PDE7B: variants seen among roughly 807,000 people sequenced by gnomAD.
PDE7B encodes phosphodiesterase 7B.
PDE7B carries 29 observed loss-of-function variants against 56.2 expected under a neutral mutation model. That is an observed-to-expected ratio of 0.52 (90% confidence interval 0.38 to 0.70). PDE7B has a LOEUF of 0.70. Among genes scored for constraint, PDE7B ranks in the 30% least tolerant of loss-of-function variants. The probability of loss-of-function intolerance (pLI) is 0.00; values close to 1 mark genes in which losing one functional copy is unlikely to be tolerated. For synonymous variants in PDE7B, 197 were observed against 196.9 expected (o/e 1.00, Z 0.00); for missense variants, 490 against 565.0 (o/e 0.87, Z 1.35).
rs757135610 is a variant in PDE7B, at chr6:136,151,267, T to C, written c.478+12T>C. On this transcript the variant is annotated intron_variant, in intron 6 of 12. Coordinates refer to ENST00000308191, the MANE Select transcript of PDE7B (RefSeq NM_018945.4). ...ACACCGATTTTTAGGTAAGTCCTTT[T>C]TTTCACATTTCTAGCCCCATTCTCT... 8 of 1,370,108 alleles carry C rather than the reference T, an allele frequency of 5.8e-6. No homozygotes were observed. Among genetic ancestry groups the C allele is most frequent in the Non-Finnish European group, 7.3e-6 (7 of 958,046 alleles). 84.9% of individuals were successfully genotyped at this position (1,370,108 alleles called of 1,614,324 possible). A position where few individuals can be genotyped will look rare whatever the true frequency, so the allele number is the denominator to read the frequency against.
chr6:135,921,125 C>A (rs1401041706), intron 1 of PDE7B, among the ~76,000 whole-genome samples: 1 of 152,088 alleles, frequency 6.6e-6, no homozygotes, highest in East Asian at 1.9e-4. Flanking sequence ...GGTTTAGTGC[C>A]ACACTTCTTT....
Position 136,147,417 on chromosome 6 carries a change from A to T in PDE7B, c.233A>T (p.Tyr78Phe). The T allele has an allele frequency of 6.2e-7, 1 of 1,612,874 alleles. No individual in the cohort carries two copies. The highest frequency in any genetic ancestry group is 8.5e-7 in the Non-Finnish European group (1 of 1,178,868). ...AAAAGACTATTAAGCTTTCAAAGAT[A>T]CTTCCATGCATCAAGGCTGCTTCGT... ...KVKRLLSFQR[Y>F]FHASRLLRGI... Residue 78 changes from tyrosine to phenylalanine, a missense_variant, in exon 4 of 13, where the codon TAC becomes TTC. Coordinates refer to ENST00000308191, the MANE Select transcript of PDE7B (RefSeq NM_018945.4).
intron 2 of PDE7B, among the ~76,000 whole-genome samples, chr6:136,073,484 T>C (rs1777081595): frequency 6.6e-6 from 1 of 152,206 alleles, no homozygotes; most frequent in Admixed American, 6.5e-5. Context: ...TCAAGGCATC[T>C]GTGGAGTTGG....
intron 2 of PDE7B, among the ~76,000 whole-genome samples, chr6:135,964,808 T>C (rs554567360): frequency 6.6e-6 from 1 of 152,258 alleles, no homozygotes; most frequent in East Asian, 1.9e-4. Context: ...GGGGGTGCAG[T>C]AAATGGACAG....
chr6:135,934,728 T>A (rs1292937445), intron 1 of PDE7B, among the ~76,000 whole-genome samples: 6 of 72,476 alleles, frequency 8.3e-5, no homozygotes, highest in Non-Finnish European at 1.4e-4. Context: ...AAACTCTGTC[T>A]CAAAAAAAAA....
At chr6:135,995,464 C>T (rs1775547714) in intron 2 of PDE7B, among the ~76,000 whole-genome samples, 2 of 152,118 alleles carry the variant, frequency 1.3e-5, no homozygotes, top group East Asian at 1.9e-4. Context: ...CTGACTCATG[C>T]TTAATCAGCC....
At chr6:136,024,174 C>A (rs1776113983) in intron 2 of PDE7B, among the ~76,000 whole-genome samples, 1 of 152,062 alleles carries the variant, frequency 6.6e-6, no homozygotes, top group Non-Finnish European at 1.5e-5. Context: ...ATATTTAGAT[C>A]ACACTAGAAA....
intron 1 of PDE7B, among the ~76,000 whole-genome samples, chr6:135,857,151 T>C (rs562606830): frequency 1.3e-5 from 2 of 151,246 alleles, no homozygotes; most frequent in East Asian, 3.9e-4. Flanking sequence ...AAGGGAAAAA[T>C]AGATTGGTAA....
chr6:136,006,321 A>T (rs1775782593), intron 2 of PDE7B, among the ~76,000 whole-genome samples: 1 of 151,754 alleles, frequency 6.6e-6, no homozygotes, highest in Non-Finnish European at 1.5e-5. Flanking sequence ...TAACCTGTAC[A>T]TTGTGCACAT....
chr6:136,145,087 A>G (rs1778391831), intron 3 of PDE7B, among the ~76,000 whole-genome samples: 1 of 152,126 alleles, frequency 6.6e-6, no homozygotes. Context: ...TGAATCAGTC[A>G]TTACCATATC....
intron 2 of PDE7B, among the ~76,000 whole-genome samples, chr6:135,976,476 C>A (rs904886997): frequency 6.6e-6 from 1 of 152,122 alleles, no homozygotes; most frequent in Non-Finnish European, 1.5e-5. Flanking sequence ...GTTTACAGGG[C>A]AGAGCGGGAG....
chr6:135,937,916 T>C (rs919207285), intron 1 of PDE7B, among the ~76,000 whole-genome samples: 1 of 152,230 alleles, frequency 6.6e-6, no homozygotes, highest in Non-Finnish European at 1.5e-5. Context: ...ATGACCCTAT[T>C]CTGCTTCTAC....
intron 1 of PDE7B, among the ~76,000 whole-genome samples, chr6:135,868,957 G>A (rs1163030684): frequency 2.6e-5 from 4 of 152,170 alleles, no homozygotes; most frequent in Non-Finnish European, 5.9e-5. Flanking sequence ...GCTGAAGGCT[G>A]TGTACATATG....
chr6:135,969,244 A>G (rs1006022255), intron 2 of PDE7B, among the ~76,000 whole-genome samples: 1 of 152,140 alleles, frequency 6.6e-6, no homozygotes, highest in Non-Finnish European at 1.5e-5. Context: ...GCAGCAAACC[A>G]CCATGGTACA....
chr6:136,191,831 C>CA lies in PDE7B; in HGVS notation c.1345dup (p.Ser449LysfsTer9), dbSNP rs773910060. 2.2e-5 allele frequency: 34 copies of CA among 1,550,304 alleles called. No homozygotes were observed. The highest frequency in any genetic ancestry group is 2.8e-5 in the Non-Finnish European group (32 of 1,147,378). On this transcript the variant is annotated frameshift_variant, in exon 13 of 13. Transcript: ENST00000308191. LOFTEE classifies it high-confidence loss of function. ...CTGAGAGCGAGGAGCAGGAAGGCGA[C>CA]AGCCCCTAGGGGCCGGCCCAACTTA...
chr6:135,851,979 A>T lies in PDE7B; in HGVS notation c.-20A>T, dbSNP rs751783718. On this transcript the variant is annotated 5_prime_UTR_variant, in exon 1 of 13. Coordinates refer to ENST00000308191, the MANE Select transcript of PDE7B (RefSeq NM_018945.4). ...AGATTTCACGGCATTCAAAGGTCAC[A>T]GAACTGCCACTATGGTTAAATGTCT... 1.1e-5 allele frequency: 17 copies of T among 1,602,108 alleles called. No individual in the cohort carries two copies. Among genetic ancestry groups the T allele is most frequent in the Admixed American group, 1.7e-5 (1 of 59,978 alleles).
intron 1 of PDE7B, among the ~76,000 whole-genome samples, chr6:135,936,637 G>A (rs1220439350): frequency 6.6e-6 from 1 of 152,146 alleles, no homozygotes; most frequent in Non-Finnish European, 1.5e-5. Flanking sequence ...CTGAAGGTGA[G>A]AGTCAAGTCA....
chr6:136,128,319 A>C (rs1275177200), intron 3 of PDE7B, among the ~76,000 whole-genome samples: 1 of 152,218 alleles, frequency 6.6e-6, no homozygotes, highest in Non-Finnish European at 1.5e-5. Flanking sequence ...TGGAAAGCTC[A>C]AAACAGTTGC....
At chr6:135,928,483 T>TTATTTATATATATATATTTATATATATA (rs1237583470) in intron 1 of PDE7B, among the ~76,000 whole-genome samples, 2 of 96,866 alleles carry the variant, frequency 2.1e-5, no homozygotes, top group African/African-American at 7.3e-5. Context: ...ATATATATAT[T>TTATTTATATATATATATTTATATATATA]TATTTATATA....
Sources: allele counts gnomAD v4.1 joint callset (sites outside exome capture counted in the v4.1 genomes callset), GRCh38; gene constraint gnomAD v4.1.1; transcripts MANE v1.5; gene names NCBI Gene and HGNC (gene_info 2026-07-23, HGNC 2026-07-21).